Variants in CELF2 observed in about 807,000 individuals in gnomAD.
CELF2 encodes the protein CUGBP Elav-like family member 2.
CELF2 carries 8 observed loss-of-function variants against 62.6 expected under a neutral mutation model. The observed-to-expected ratio is 0.13, with a 90% CI of 0.07 to 0.23. CELF2 has a LOEUF of 0.23. Ranked by LOEUF, CELF2 falls within the 10% of genes least tolerant of loss-of-function variation. The probability of loss-of-function intolerance (pLI) is 1.00; values close to 1 mark genes in which losing one functional copy is unlikely to be tolerated. For missense variants in CELF2, 333 were observed against 671.0 expected (o/e 0.50, Z 5.56); for synonymous variants, 258 against 250.0 (o/e 1.03, Z -0.30).
chr10:11,247,426 G>T lies in CELF2; in HGVS notation c.355-1727G>T, dbSNP rs207470693. Among the ~76,000 whole-genome samples the T allele has an allele frequency of 1.3e-5, 2 of 152,168 alleles. No homozygotes were observed. The highest frequency in any genetic ancestry group is 3.9e-4 in the East Asian group (2 of 5,190). On this transcript the variant is annotated intron_variant, in intron 3 of 12. Coordinates refer to ENST00000633077, the MANE Select transcript of CELF2 (RefSeq NM_001326342.2). This position sits in a 1 kb window ranked among gnomAD's most constrained non-coding sequence, Gnocchi z 5.4. Reference sequence around the variant, plus strand: ...TCAGTGCTCGCACGTCCAAGGACTCGGCCCAGATGCAGCCTTGGCTTTCCT... The same window carrying T: ...TCAGTGCTCGCACGTCCAAGGACTCTGCCCAGATGCAGCCTTGGCTTTCCT...
intron 2 of CELF2, chr10:10,925,257 G>A (rs138952015): frequency 4.6e-5 from 7 of 152,210 alleles, no homozygotes; most frequent in Non-Finnish European, 7.4e-5. Context: ...ATCTAGAGCC[G>A]ATGGATGGAC....
At chr10:11,205,117 T>C (rs2060137292) in intron 2 of CELF2, among the ~76,000 whole-genome samples, 1 of 152,162 alleles carries the variant, frequency 6.6e-6, no homozygotes, top group African/African-American at 2.4e-5. Context: ...ATGTTCAGAG[T>C]ATTCAAAGGC....
chr10:11,188,560 TTTTCTC>T (rs1212846654), intron 2 of CELF2, among the ~76,000 whole-genome samples: 6 of 152,184 alleles, frequency 3.9e-5, no homozygotes, highest in Non-Finnish European at 5.9e-5. Flanking sequence ...GCTTTTAACA[TTTTCTC>T]TTTATGTGAC....
intron 3 of CELF2, among the ~76,000 whole-genome samples, chr10:11,232,479 G>T (rs1181195892): frequency 6.6e-6 from 1 of 152,124 alleles, no homozygotes; most frequent in Admixed American, 6.5e-5. Flanking sequence ...AGGACCAAGT[G>T]ATCACAATCA....
At chr10:10,621,788 C>T in the CELF2 span, among the ~76,000 whole-genome samples, 9 of 152,046 alleles carry the variant, frequency 5.9e-5, no homozygotes, top group African/African-American at 2.2e-4. Context: ...AAAACAGAGG[C>T]TAGAAGATAC....
rs1263296064 is a variant in CELF2, at chr10:11,243,072, C to A, written c.355-6081C>A. Among the ~76,000 whole-genome samples, 1 of 152,112 alleles carries A rather than the reference C, an allele frequency of 6.6e-6. No individual in the cohort carries two copies. The highest frequency in any genetic ancestry group is 1.5e-5 in the Non-Finnish European group (1 of 68,026). Reference sequence around the variant, plus strand: ...CAGCTCACTGAAAGCCCAAGCAGACCCCTGAAGGACTATATCTCTGTGTGC... The same window carrying A: ...CAGCTCACTGAAAGCCCAAGCAGACACCTGAAGGACTATATCTCTGTGTGC... On this transcript the variant is annotated intron_variant, in intron 3 of 12. Transcript: ENST00000633077. This position sits in a 1 kb window ranked among gnomAD's most constrained non-coding sequence, Gnocchi z 4.1.
intron 3 of CELF2, among the ~76,000 whole-genome samples, chr10:11,222,244 C>A (rs2065074235): frequency 6.6e-6 from 1 of 152,224 alleles, no homozygotes; most frequent in South Asian, 2.1e-4. Flanking sequence ...TTTCTTTGAA[C>A]CACCTCTCCT....
intron 1 of CELF2, among the ~76,000 whole-genome samples, chr10:10,905,541 C>T (rs920126689): frequency 1.0e-4 from 15 of 148,320 alleles, no homozygotes; most frequent in African/African-American, 3.0e-4. Context: ...GCCAGGAGTT[C>T]GAGACCAGCC....
At chr10:11,034,486 G>C (rs1302615208) in intron 1 of CELF2, among the ~76,000 whole-genome samples, 8 of 144,364 alleles carry the variant, frequency 5.5e-5, no homozygotes, top group Non-Finnish European at 1.2e-4. Flanking sequence ...ATCCCTCCTA[G>C]ATGTGTTAAA....
intron 1 of CELF2, among the ~76,000 whole-genome samples, chr10:10,800,413 A>T (rs1299336728): frequency 6.6e-6 from 1 of 152,014 alleles, no homozygotes; most frequent in Non-Finnish European, 1.5e-5. Flanking sequence ...GTGCAGTGGC[A>T]TGATCTCTGC....
At chr10:10,687,369 C>T in the CELF2 span, among the ~76,000 whole-genome samples, 1 of 152,078 alleles carries the variant, frequency 6.6e-6, no homozygotes, top group Non-Finnish European at 1.5e-5. Flanking sequence ...TAAATGGGAA[C>T]CTGGGATCTC....
At chr10:11,284,492 T>G (rs2139425101) in intron 8 of CELF2, among the ~76,000 whole-genome samples, 6 of 111,878 alleles carry the variant, frequency 5.4e-5, no homozygotes, top group Non-Finnish European at 9.2e-5. Context: ...GAGGGATGAG[T>G]GTGTGGTGGG....
chr10:11,066,280 CT>C (rs1180548103), intron 1 of CELF2, among the ~76,000 whole-genome samples: 2 of 151,822 alleles, frequency 1.3e-5, no homozygotes, highest in Non-Finnish European at 2.9e-5. Context: ...GGAACCACAC[CT>C]TTTTTTTCCT....
chr10:10,575,155 A>G, the CELF2 span, among the ~76,000 whole-genome samples: 8 of 152,174 alleles, frequency 5.3e-5, no homozygotes. Context: ...ATTGATCACC[A>G]TTCTATACAT....
chr10:10,564,562 C>T, the CELF2 span, among the ~76,000 whole-genome samples: 1 of 151,444 alleles, frequency 6.6e-6, no homozygotes. Flanking sequence ...TTCATCACCT[C>T]TTTACCCTTT....
chr10:10,865,999 G>A (rs2060333129), intron 1 of CELF2, among the ~76,000 whole-genome samples: 1 of 152,034 alleles, frequency 6.6e-6, no homozygotes, highest in Non-Finnish European at 1.5e-5. Flanking sequence ...GCAGAAGGGA[G>A]GTGCGTGTGT....
intron 1 of CELF2, 76 bp downstream of exon 1, chr10:11,018,239 G>A (rs1372766661): frequency 5.4e-6 from 7 of 1,295,134 alleles, no homozygotes; most frequent in Admixed American, 5.4e-5. Flanking sequence ...GGGGACGGGC[G>A]TCGCCCGCAG....
chr10:10,539,697 G>A, the CELF2 span, among the ~76,000 whole-genome samples: 2 of 152,106 alleles, frequency 1.3e-5, no homozygotes, highest in African/African-American at 4.8e-5. Flanking sequence ...CACTGAGAAC[G>A]CCTCCCACTT....
intron 1 of CELF2, among the ~76,000 whole-genome samples, chr10:11,162,757 T>C (rs2066012794): frequency 6.6e-6 from 1 of 152,232 alleles, no homozygotes; most frequent in Non-Finnish European, 1.5e-5. Flanking sequence ...TGATGGTCAC[T>C]CATTTCAGAT....
Sources: gnomAD v4.1 joint callset for allele counts (sites outside exome capture counted in the v4.1 genomes callset) on GRCh38, gnomAD v4.1.1 for gene constraint, Gnocchi (gnomAD v3.1) non-coding constraint, MANE v1.5 for transcripts, NCBI Gene and HGNC (gene_info 2026-07-23, HGNC 2026-07-21) for gene names.